RBFOX1: variants seen among roughly 807,000 people sequenced by gnomAD.
RBFOX1 encodes the protein RNA binding protein fox-1 homolog 1.
A neutral mutation model predicts 57.7 loss-of-function variants in RBFOX1; 8 were observed. The observed-to-expected ratio is 0.14, with a 90% CI of 0.08 to 0.25. RBFOX1 has a LOEUF of 0.25. Among genes scored for constraint, RBFOX1 ranks in the 10% least tolerant of loss-of-function variants. RBFOX1 has a pLI of 1.00. For synonymous variants in RBFOX1, 326 were observed against 222.4 expected (o/e 1.47, Z -4.15); for missense variants, 611 against 548.5 (o/e 1.11, Z -1.14).
chr16:6,834,828 G>A (rs1274706105), intron 3 of RBFOX1, among the ~76,000 whole-genome samples: 2 of 150,736 alleles, frequency 1.3e-5, no homozygotes, highest in African/African-American at 2.4e-5. Context: ...ATGTGTTTGT[G>A]ACTTTGTCCA....
intron 3 of RBFOX1, among the ~76,000 whole-genome samples, chr16:5,830,878 T>C (rs993568001): frequency 1.3e-5 from 2 of 152,216 alleles, no homozygotes; most frequent in African/African-American, 4.8e-5. Flanking sequence ...CATAGAATGA[T>C]TGGCTTTTGC....
At chr16:6,762,865 C>T (rs1200016044) in intron 3 of RBFOX1, among the ~76,000 whole-genome samples, 1 of 152,136 alleles carries the variant, frequency 6.6e-6, no homozygotes, top group Non-Finnish European at 1.5e-5. Flanking sequence ...GGTACCTCTC[C>T]TTGCCTTGGG....
chr16:6,460,825 A>AG (rs2094900349), intron 2 of RBFOX1, among the ~76,000 whole-genome samples: 2 of 85,488 alleles, frequency 2.3e-5, no homozygotes, highest in Admixed American at 1.3e-4. Flanking sequence ...TATTCAGAAT[A>AG]CCAAAAAAAA....
At chr16:5,868,524 CT>C (rs1396366735) in intron 4 of RBFOX1, among the ~76,000 whole-genome samples, 1 of 152,220 alleles carries the variant, frequency 6.6e-6, no homozygotes, top group Admixed American at 6.5e-5. Context: ...TCGCAGGATT[CT>C]GCAAACACCT....
chr16:5,588,589 C>T lies in RBFOX1; in HGVS notation c.259-10313C>T, dbSNP rs527438196. On this transcript the variant is annotated intron_variant, in intron 2 of 2. Coordinates refer to the RBFOX1 transcript ENST00000585867. ...GTGGGCTGTTTTGTGTCTCTATGAC[C>T]GAGTTACGTATTTAAGGGCAACAGT... Among the ~76,000 whole-genome samples the T allele has an allele frequency of 5.3e-5, 8 of 152,168 alleles. No individual in the cohort carries two copies. The East Asian group carries it at 1.4e-3, about 26-fold the overall frequency.
chr16:6,853,223 T>A (rs1261587932), intron 3 of RBFOX1, among the ~76,000 whole-genome samples: 1 of 152,196 alleles, frequency 6.6e-6, no homozygotes, highest in Non-Finnish European at 1.5e-5. Context: ...TTTGTGAGCA[T>A]TAATGATAGT....
intron 4 of RBFOX1, among the ~76,000 whole-genome samples, chr16:5,894,912 A>G (rs562268127): frequency 1.3e-5 from 2 of 152,050 alleles, no homozygotes; most frequent in South Asian, 2.1e-4. Context: ...GTCCCCTTCT[A>G]CTCTGGAGGC....
chr16:6,136,675 G>A (rs749179086), intron 1 of RBFOX1, among the ~76,000 whole-genome samples: 1 of 152,114 alleles, frequency 6.6e-6, no homozygotes, highest in Non-Finnish European at 1.5e-5. Flanking sequence ...AAAAGGAAAT[G>A]ATGATGTGTT....
At chr16:5,879,297 G>C (rs1320221555) in intron 4 of RBFOX1, among the ~76,000 whole-genome samples, 1 of 152,184 alleles carries the variant, frequency 6.6e-6, no homozygotes, top group African/African-American at 2.4e-5. Context: ...GAAGCTGGAG[G>C]GAGAAACTCC....
rs573487141 is a variant in RBFOX1 at position 7,147,841 on chromosome 16, G to A, written c.27+95743G>A. Reference sequence around the variant, plus strand: ...TTTCTTTGGGCATATACCCAGTCATGGGATTGCTGGGTTGAATGGTAGTTC... The same window carrying A: ...TTTCTTTGGGCATATACCCAGTCATAGGATTGCTGGGTTGAATGGTAGTTC... On this transcript the variant is annotated intron_variant, in intron 4 of 15. Coordinates refer to ENST00000550418, the MANE Select transcript of RBFOX1 (RefSeq NM_018723.4). Among the ~76,000 whole-genome samples, 217 of 152,302 alleles carry A rather than the reference G, an allele frequency of 1.4e-3. 1 individual carries two copies. The highest frequency in any genetic ancestry group is 4.9e-3 in the African/African-American group (205 of 41,566).
intron 3 of RBFOX1, among the ~76,000 whole-genome samples, chr16:6,669,900 C>G (rs574786582): frequency 2.0e-5 from 3 of 152,074 alleles, no homozygotes; most frequent in Non-Finnish European, 4.4e-5. Flanking sequence ...CCTAAGTAAC[C>G]GACCCATGGT....
chr16:6,116,108 A>C (rs2096493542), intron 1 of RBFOX1, among the ~76,000 whole-genome samples: 1 of 152,188 alleles, frequency 6.6e-6, no homozygotes, highest in Admixed American at 6.5e-5. Flanking sequence ...GGATGAGTTC[A>C]TGTCTTTTTA....
intron 3 of RBFOX1, among the ~76,000 whole-genome samples, chr16:5,710,992 TGCC>T (rs1487381045): frequency 6.6e-6 from 1 of 152,202 alleles, no homozygotes; most frequent in Non-Finnish European, 1.5e-5. Flanking sequence ...TCAGTTCTTG[TGCC>T]TGACCCTAGG....
At chr16:7,024,918 G>A (rs1368167348) in intron 3 of RBFOX1, among the ~76,000 whole-genome samples, 1 of 152,092 alleles carries the variant, frequency 6.6e-6, no homozygotes, top group Non-Finnish European at 1.5e-5. Context: ...TCACTTTATA[G>A]AGGAGGACAC....
intron 3 of RBFOX1, among the ~76,000 whole-genome samples, chr16:5,745,117 G>C (rs182651828): frequency 6.6e-6 from 1 of 151,992 alleles, no homozygotes; most frequent in Non-Finnish European, 1.5e-5. Flanking sequence ...GACAGGCCCC[G>C]GTGTGTGATG....
chr16:5,626,643 C>T (rs1189648450), intron 3 of RBFOX1, among the ~76,000 whole-genome samples: 1 of 152,160 alleles, frequency 6.6e-6, no homozygotes, highest in Non-Finnish European at 1.5e-5. Context: ...AATAAGGTGT[C>T]AAATGTTGAC....
rs969111402 is a variant in RBFOX1, at chr16:6,306,234, T to A, written c.-126-10761T>A. Among the ~76,000 whole-genome samples the A allele has an allele frequency of 1.3e-5, 2 of 152,086 alleles. 1 individual carries two copies. The highest frequency in any genetic ancestry group is 4.8e-5 in the African/African-American group (2 of 41,402). ...CAATGACAAGGGAACCTGTCCTAGA[T>A]TTGCTGCAGAAACCAATCAAAGGAG... On this transcript the variant is annotated intron_variant, in intron 1 of 15. Transcript: ENST00000550418.
intron 1 of RBFOX1, among the ~76,000 whole-genome samples, chr16:5,438,453 T>A (rs537656441): frequency 1.3e-5 from 2 of 152,208 alleles, no homozygotes; most frequent in African/African-American, 4.8e-5. Flanking sequence ...ACACTTCAAG[T>A]GCTGTCTTGA....
intron 2 of RBFOX1, among the ~76,000 whole-genome samples, chr16:6,346,313 G>T (rs1312418989): frequency 6.6e-6 from 1 of 152,132 alleles, no homozygotes; most frequent in African/African-American, 2.4e-5. Context: ...AACTATATTT[G>T]GCCTGAGGAT....
Sources: gnomAD v4.1 joint callset for allele counts (sites outside exome capture counted in the v4.1 genomes callset) on GRCh38, gnomAD v4.1.1 for gene constraint, MANE v1.5 for transcripts, NCBI Gene and HGNC (gene_info 2026-07-23, HGNC 2026-07-21) for gene names.